The following ACTL8 variants were observed in gnomAD, a reference collection of about 807,000 sequenced individuals.
ACTL8 encodes actin like 8, also known as actin-like protein 8.
In ACTL8, 3 loss-of-function variants were observed where a neutral mutation model predicts 9.3. The ratio of observed to expected loss-of-function variants is 0.32; its 90% CI spans 0.15 to 0.83. The LOEUF (loss-of-function observed/expected upper bound fraction) is 0.83. ACTL8 is among the 40% of genes least tolerant of loss of function. The pLI, the probability that ACTL8 is intolerant of heterozygous loss-of-function variation, is 0.57. For missense variants in ACTL8, 381 were observed against 492.2 expected (o/e 0.77, Z 2.14); for synonymous variants, 224 against 205.9 (o/e 1.09, Z -0.75).
chr1:17,818,265 A>G (rs1172657725), intron 1 of ACTL8, among the ~76,000 whole-genome samples: 1 of 152,172 alleles, frequency 6.6e-6, no homozygotes, highest in Non-Finnish European at 1.5e-5. Context: ...AGCCTTACTT[A>G]GGTATATCCA....
rs1171046966 is a variant in ACTL8 at position 17,767,879 on chromosome 1, C to T, written c.-25+12375C>T. ...AAGCAGGTGGCAGTGTGGCTTTTCT[C>T]GAAAGCATGAGGCCCCAGCCTCCCT... On this transcript the variant is annotated intron_variant, in intron 1 of 2. Transcript: ENST00000375406. This position sits in a 1 kb window ranked among gnomAD's most constrained non-coding sequence, Gnocchi z 4.7. Among the ~76,000 whole-genome samples, 5 of 152,010 alleles carry T rather than the reference C, an allele frequency of 3.3e-5. No individual in the cohort carries two copies. Among genetic ancestry groups the T allele is most frequent in the African/African-American group, 7.3e-5 (3 of 41,372 alleles).
intron 1 of ACTL8, among the ~76,000 whole-genome samples, chr1:17,761,697 A>G (rs1018704215): frequency 4.6e-5 from 7 of 151,958 alleles, no homozygotes; most frequent in African/African-American, 1.7e-4. Flanking sequence ...CAGCCTCCCA[A>G]GTAGCTGGGA....
chr1:17,769,170 A>G (rs1178838123), intron 1 of ACTL8, among the ~76,000 whole-genome samples: 5 of 152,120 alleles, frequency 3.3e-5, no homozygotes, highest in African/African-American at 1.2e-4. Context: ...TGTGAAGTCA[A>G]GCAGCTGCTG....
chr1:17,803,650 A>G (rs1055696164), intron 1 of ACTL8, among the ~76,000 whole-genome samples: 1 of 152,166 alleles, frequency 6.6e-6, no homozygotes, highest in African/African-American at 2.4e-5. Context: ...GTCCTTATTT[A>G]GCAGCATGAG....
At chr1:17,776,435 G>T (rs777096668) in intron 1 of ACTL8, among the ~76,000 whole-genome samples, 1 of 152,086 alleles carries the variant, frequency 6.6e-6, no homozygotes, top group South Asian at 2.1e-4. Flanking sequence ...TGGCCCTCCC[G>T]CTGTGCCCCT....
intron 2 of ACTL8, 33 bp from the exon 3 acceptor site, chr1:17,825,734 G>T (rs777995535): frequency 5.6e-6 from 9 of 1,595,108 alleles, no homozygotes; most frequent in South Asian, 4.5e-5. Flanking sequence ...AGGCTGGGGG[G>T]AAATGCACTG....
At chr1:17,777,430 A>G (rs1412272853) in intron 1 of ACTL8, among the ~76,000 whole-genome samples, 3 of 152,100 alleles carry the variant, frequency 2.0e-5, no homozygotes, top group Admixed American at 6.5e-5. Context: ...GCGTGTCCCC[A>G]TTCTCTCGCA....
intron 1 of ACTL8, among the ~76,000 whole-genome samples, chr1:17,759,537 C>A (rs565154270): frequency 6.6e-6 from 1 of 152,226 alleles, no homozygotes; most frequent in Non-Finnish European, 1.5e-5. Context: ...GTGCACCAGA[C>A]CAACTTTTTT....
intron 1 of ACTL8, among the ~76,000 whole-genome samples, chr1:17,798,466 C>T (rs1157214106): frequency 6.6e-6 from 1 of 152,082 alleles, no homozygotes; most frequent in African/African-American, 2.4e-5. Context: ...AACAGCTCGC[C>T]TGGCAGATGC....
intron 1 of ACTL8, among the ~76,000 whole-genome samples, chr1:17,798,028 G>T (rs1338973937): frequency 6.6e-6 from 1 of 152,148 alleles, no homozygotes; most frequent in Non-Finnish European, 1.5e-5. Context: ...AAGGCGTTTT[G>T]TCCCGGAGTA....
chr1:17,802,452 T>TGTGTGTG (rs2066328445), intron 1 of ACTL8, among the ~76,000 whole-genome samples: 3 of 147,540 alleles, frequency 2.0e-5, no homozygotes, highest in African/African-American at 7.5e-5. Context: ...TGTGTGTGTG[T>TGTGTGTG]TGGAGGGCAG....
At chr1:17,820,641 C>T (rs1000656873) in intron 1 of ACTL8, among the ~76,000 whole-genome samples, 5 of 150,940 alleles carry the variant, frequency 3.3e-5, no homozygotes, top group Non-Finnish European at 5.9e-5. Flanking sequence ...GATCTTGGCT[C>T]ACCGCAACCT....
rs1569994480 is a variant in ACTL8, at chr1:17,767,003, A to T, written c.-25+11499A>T. On this transcript the variant is annotated intron_variant, in intron 1 of 2. Transcript: ENST00000375406. This position sits in a 1 kb window ranked among gnomAD's most constrained non-coding sequence, Gnocchi z 4.7. ...TTGGGGGAGACAAGATATGCAGATG[A>T]TGAATGTGGTTTCAGGTTGGGAGAA... is the stretch of plus-strand genomic sequence containing the variant. Among the ~76,000 whole-genome samples the T allele has an allele frequency of 6.6e-6, 1 of 152,314 alleles. No individual in the cohort carries two copies. Among genetic ancestry groups the T allele is most frequent in the African/African-American group, 2.4e-5 (1 of 41,566 alleles).
chr1:17,810,454 G>C (rs1193958491), intron 1 of ACTL8, among the ~76,000 whole-genome samples: 2 of 152,012 alleles, frequency 1.3e-5, no homozygotes, highest in Admixed American at 1.3e-4. Context: ...ATCAAACACA[G>C]GAAATTTAAC....
chr1:17,780,995 T>C (rs2102683168), intron 1 of ACTL8, among the ~76,000 whole-genome samples: 1 of 152,272 alleles, frequency 6.6e-6, no homozygotes, highest in African/African-American at 2.4e-5. Flanking sequence ...TATTCTTTCA[T>C]AGTTCTGGAG....
chr1:17,814,270 G>A (rs2066410541), intron 1 of ACTL8, among the ~76,000 whole-genome samples: 1 of 152,206 alleles, frequency 6.6e-6, no homozygotes, highest in Non-Finnish European at 1.5e-5. Context: ...GCCAAGGCAG[G>A]AAGAACGCTT....
At chr1:17,783,080 G>A (rs892698695) in intron 1 of ACTL8, among the ~76,000 whole-genome samples, 16 of 152,128 alleles carry the variant, frequency 1.1e-4, no homozygotes, top group African/African-American at 2.7e-4. Flanking sequence ...AACAGGTCTT[G>A]CTTCCAGTTT....
Position 17,805,377 on chromosome 1 carries a change from C to CTT in ACTL8, c.-24-17583_-24-17582dup, listed in dbSNP as rs56870755. Among the ~76,000 whole-genome samples the CTT allele has an allele frequency of 9.3e-4, 93 of 100,172 alleles. 1 individual carries two copies. Among genetic ancestry groups the CTT allele is most frequent in the South Asian group, 1.9e-3 (6 of 3,218 alleles). The allele number at this position is 100,172 out of a possible 152,430, so 65.7% of individuals were successfully genotyped here. On this transcript the variant is annotated intron_variant, in intron 1 of 2. Coordinates refer to ENST00000375406, the MANE Select transcript of ACTL8 (RefSeq NM_030812.3). Reference sequence around the variant, plus strand: ...ATAGATATATTTTCTTTTTCTTTTTCTTTTTTTTTTTTTTTTTTTTTTTTT... The same window carrying CTT: ...ATAGATATATTTTCTTTTTCTTTTTCTTTTTTTTTTTTTTTTTTTTTTTTTTT...
chr1:17,782,495 A>T (rs1437955989), intron 1 of ACTL8, among the ~76,000 whole-genome samples: 1 of 152,202 alleles, frequency 6.6e-6, no homozygotes, highest in Non-Finnish European at 1.5e-5. Flanking sequence ...ATAGATCGCC[A>T]CGGCGGCCAC....
Sources: gnomAD v4.1 joint callset for allele counts (sites outside exome capture counted in the v4.1 genomes callset) on GRCh38, gnomAD v4.1.1 for gene constraint, Gnocchi (gnomAD v3.1) non-coding constraint, MANE v1.5 for transcripts, NCBI Gene and HGNC (gene_info 2026-07-23, HGNC 2026-07-21) for gene names.